CLYBL: variants seen among roughly 807,000 people sequenced by gnomAD.
CLYBL encodes the protein citramalyl-CoA lyase.
A neutral mutation model predicts 38.9 loss-of-function variants in CLYBL; 31 were observed. The observed-to-expected ratio is 0.80, with a 90% CI of 0.60 to 1.08. The LOEUF (loss-of-function observed/expected upper bound fraction) is 1.08. Ranked by LOEUF, CLYBL falls within the 50% of genes least tolerant of loss-of-function variation. The pLI is 0.00. For synonymous variants in CLYBL, 171 were observed against 158.6 expected, an observed-to-expected ratio of 1.08 and a Z score of -0.59; for missense variants, 434 against 411.6, an observed-to-expected ratio of 1.05 and a Z score of -0.47.
chr13:99,888,031 T>A (rs2052394658), intron 7 of CLYBL, among the ~76,000 whole-genome samples: 2 of 152,096 alleles, frequency 1.3e-5, no homozygotes, highest in South Asian at 4.2e-4. Flanking sequence ...AATTTTTGTA[T>A]TTTTAGTAGA....
chr13:99,733,941 G>T (rs935846956), intron 1 of CLYBL, among the ~76,000 whole-genome samples: 1 of 152,204 alleles, frequency 6.6e-6, no homozygotes, highest in African/African-American at 2.4e-5. Flanking sequence ...AAGGAAAGAA[G>T]AAAGTTCTAA....
intron 2 of CLYBL, among the ~76,000 whole-genome samples, chr13:99,815,137 C>A (rs1347696987): frequency 6.6e-6 from 1 of 152,192 alleles, no homozygotes; most frequent in African/African-American, 2.4e-5. Context: ...TCAGAACCCA[C>A]TGTTAATCAG....
Position 99,633,231 on chromosome 13 carries a change from AAAAAG to A in CLYBL, c.62+26476_62+26480del, listed in dbSNP as rs1198038411. Among the ~76,000 whole-genome samples the A allele has an allele frequency of 2.6e-3, 377 of 146,516 alleles. 1 individual carries two copies. The highest frequency in any genetic ancestry group is 9.2e-3 in the African/African-American group (361 of 39,310). On this transcript the variant is annotated intron_variant, in intron 1 of 8. Coordinates refer to ENST00000339105, the MANE Select transcript of CLYBL (RefSeq NM_206808.5). ...GTCTCAAAAAAAAAAAAAAAAAAAAAAAAAGAGAAGAGAAGAAAAGAAATAAGGCC... is the reference window on the plus strand; with the variant it reads ...GTCTCAAAAAAAAAAAAAAAAAAAAAAGAAGAGAAGAAAAGAAATAAGGCC...
At chr13:99,903,301 C>T (rs944856314) in intron 8 of CLYBL, among the ~76,000 whole-genome samples, 1 of 152,188 alleles carries the variant, frequency 6.6e-6, no homozygotes, top group African/African-American at 2.4e-5. Context: ...TTTAAAGTTC[C>T]TTGAAGGTGC....
At chr13:99,634,910 C>T (rs2046997703) in intron 1 of CLYBL, among the ~76,000 whole-genome samples, 1 of 152,162 alleles carries the variant, frequency 6.6e-6, no homozygotes, top group Non-Finnish European at 1.5e-5. Context: ...CTTTCCATTG[C>T]TAGGTCTTCT....
chr13:99,682,210 C>T (rs905701159), intron 1 of CLYBL, among the ~76,000 whole-genome samples: 1 of 151,786 alleles, frequency 6.6e-6, no homozygotes, highest in Non-Finnish European at 1.5e-5. Context: ...GTGGCGCAGT[C>T]TCGGCTCACT....
intron 1 of CLYBL, among the ~76,000 whole-genome samples, chr13:99,761,553 A>G (rs1309711768): frequency 6.6e-6 from 1 of 152,132 alleles, no homozygotes; most frequent in African/African-American, 2.4e-5. Flanking sequence ...TTCACGTAAC[A>G]GTTTCTTTAT....
At chr13:99,762,753 T>A (rs1372957730) in intron 1 of CLYBL, among the ~76,000 whole-genome samples, 2 of 152,238 alleles carry the variant, frequency 1.3e-5, no homozygotes, top group African/African-American at 4.8e-5. Flanking sequence ...TAAACTGCTT[T>A]AAGTAGTCTT....
chr13:99,835,000 C>T (rs2050902273), intron 2 of CLYBL, among the ~76,000 whole-genome samples: 1 of 152,216 alleles, frequency 6.6e-6, no homozygotes, highest in South Asian at 2.1e-4. Flanking sequence ...ACACACCTCC[C>T]TCTTCCTAAC....
chr13:99,872,641 A>G lies in CLYBL; in HGVS notation c.927+1579A>G, dbSNP rs1180929291. Among the ~76,000 whole-genome samples, 3 of 152,228 alleles carry G rather than the reference A, an allele frequency of 2.0e-5. No homozygotes were observed. In the East Asian group the frequency reaches 5.8e-4, roughly 29 times the overall value. On this transcript the variant is annotated intron_variant, in intron 7 of 8. Transcript: ENST00000339105. ...ATGTGGACCATTGAAACGAGAGAGC[A>G]GAGTTCCAGTCTGGGCCAGCACTGT... is the stretch of plus-strand genomic sequence containing the variant.
chr13:99,826,090 C>T (rs1192426008), intron 2 of CLYBL, among the ~76,000 whole-genome samples: 2 of 152,198 alleles, frequency 1.3e-5, no homozygotes, highest in Non-Finnish European at 2.9e-5. Context: ...AAGAAAGCTA[C>T]TGTGATGGTC....
chr13:99,907,912 G>T (rs1239568775), intron 9 of CLYBL, among the ~76,000 whole-genome samples: 3 of 152,148 alleles, frequency 2.0e-5, no homozygotes, highest in African/African-American at 7.2e-5. Context: ...AAGACTTTGG[G>T]CATGGGCTTG....
At chr13:99,710,701 C>T (rs1232221662) in intron 1 of CLYBL, among the ~76,000 whole-genome samples, 1 of 152,118 alleles carries the variant, frequency 6.6e-6, no homozygotes, top group Non-Finnish European at 1.5e-5. Flanking sequence ...AATCTTGGTA[C>T]ACCATTTAGC....
At chr13:99,901,809 G>A (rs112232134), downstream of CLYBL, among the ~76,000 whole-genome samples, 1,692 of 152,012 alleles carry the variant, frequency 0.011, 37 homozygotes, top group African/African-American at 0.038. Context: ...ACAAGCACAC[G>A]CCACCATGCC....
intron 1 of CLYBL, among the ~76,000 whole-genome samples, chr13:99,665,252 T>C (rs1238085807): frequency 6.6e-6 from 1 of 151,914 alleles, no homozygotes; most frequent in African/African-American, 2.4e-5. Context: ...TAAGAATTAG[T>C]ATAGCACAGC....
intron 2 of CLYBL, among the ~76,000 whole-genome samples, chr13:99,815,628 G>A (rs1327505573): frequency 6.6e-6 from 1 of 152,122 alleles, no homozygotes. Context: ...GCTCAGGCCT[G>A]TAATCCCAAT....
At chr13:99,880,069 T>TATATATA (rs376889710) in intron 7 of CLYBL, among the ~76,000 whole-genome samples, 15,082 of 56,606 alleles carry the variant, frequency 0.27, 1,049 homozygotes, top group East Asian at 0.33. Context: ...TATATATATA[T>TATATATA]TTTTTTTTTT....
At chr13:99,805,617 T>G (rs999573712) in intron 2 of CLYBL, among the ~76,000 whole-genome samples, 1 of 151,970 alleles carries the variant, frequency 6.6e-6, no homozygotes, top group African/African-American at 2.4e-5. Context: ...AGCTACTGAG[T>G]GCCTGCAGGG....
intron 1 of CLYBL, among the ~76,000 whole-genome samples, chr13:99,762,915 A>G (rs2049192534): frequency 6.6e-6 from 1 of 152,128 alleles, no homozygotes; most frequent in South Asian, 2.1e-4. Context: ...CTAGGTTTTT[A>G]ATATTATTTA....
Sources: gnomAD v4.1 joint callset for allele counts (sites outside exome capture counted in the v4.1 genomes callset) on GRCh38, gnomAD v4.1.1 for gene constraint, MANE v1.5 for transcripts, NCBI Gene and HGNC (gene_info 2026-07-23, HGNC 2026-07-21) for gene names.